The following DIAPH2 variants were observed in gnomAD, a reference collection of about 807,000 sequenced individuals.
The protein encoded by DIAPH2 is protein diaphanous homolog 2.
DIAPH2 carries 35 observed loss-of-function variants against 92.7 expected under a neutral mutation model. The ratio of observed to expected loss-of-function variants is 0.38; its 90% CI spans 0.29 to 0.50. The LOEUF (loss-of-function observed/expected upper bound fraction) is 0.50, where lower values mean the gene tolerates loss of function less well. DIAPH2 is among the 20% of genes least tolerant of loss of function. The probability of loss-of-function intolerance (pLI) is 0.94; values close to 1 mark genes in which losing one functional copy is unlikely to be tolerated. For missense variants in DIAPH2, 701 were observed against 819.5 expected (o/e 0.86, Z 1.77); for synonymous variants, 301 against 280.4 (o/e 1.07, Z -0.73).
chrX:96,746,156 C>G (rs1430871361), intron 3 of DIAPH2, among the ~76,000 whole-genome samples: 1 of 111,711 alleles, frequency 9.0e-6, no homozygotes, highest in Non-Finnish European at 1.9e-5. Context: ...CTGCCTTGGC[C>G]TCCAAAGTGC....
Position 96,958,444 on chromosome X carries a change from T to G in DIAPH2, c.1935+296T>G, listed in dbSNP as rs145360622. On this transcript the variant is annotated intron_variant, in intron 16 of 26. Coordinates refer to ENST00000324765, the MANE Select transcript of DIAPH2 (RefSeq NM_006729.5). ...TTAACATAGCTTTTCTTTAAAAATT[T>G]TTTATTGATATGTAATATTTGTACG... Among the ~76,000 whole-genome samples, 118 of 112,162 alleles carry G rather than the reference T, an allele frequency of 1.1e-3. 1 individual carries two copies. Among genetic ancestry groups the G allele is most frequent in the South Asian group, 4.1e-3 (11 of 2,674 alleles).
chrX:96,810,274 A>G (rs747215156), intron 4 of DIAPH2, among the ~76,000 whole-genome samples: 1,415 of 112,154 alleles, frequency 0.013, 22 homozygotes, highest in African/African-American at 0.044. Flanking sequence ...ACCAGTGATG[A>G]TGAGCATTTT....
At chrX:97,285,339 A>C (rs2068531701) in intron 23 of DIAPH2, among the ~76,000 whole-genome samples, 1 of 92,678 alleles carries the variant, frequency 1.1e-5, no homozygotes, top group African/African-American at 4.0e-5. Context: ...GGAGTTCAAG[A>C]CCAGCCTGAC....
rs1252650057 is a variant in DIAPH2 at position 96,962,271 on chromosome X, A to ATG, written c.1936-2821_1936-2820insGT. 8.4e-5 allele frequency among the ~76,000 whole-genome samples: 7 copies of ATG among 83,018 alleles called. 1 individual carries two copies. The highest frequency in any genetic ancestry group is 4.3e-4 in the Admixed American group (3 of 6,912). 72.1% of individuals were successfully genotyped at this position (83,018 alleles called of 115,157 possible). On this transcript the variant is annotated intron_variant, in intron 16 of 26. Coordinates refer to ENST00000324765, the MANE Select transcript of DIAPH2 (RefSeq NM_006729.5). ...TAAAGTGATGCCTTTCTATATATAT[A>ATG]TACATATATATATACATATATATAT...
chrX:97,502,598 G>A (rs1158655485), intron 26 of DIAPH2, among the ~76,000 whole-genome samples: 1 of 112,543 alleles, frequency 8.9e-6, no homozygotes, highest in Admixed American at 9.4e-5. Context: ...TGCAAGATCA[G>A]TGTATGAATC....
At chrX:97,345,438 C>T (rs2069148351) in intron 23 of DIAPH2, among the ~76,000 whole-genome samples, 3 of 111,969 alleles carry the variant, frequency 2.7e-5, no homozygotes, top group Admixed American at 1.9e-4. Flanking sequence ...TCCCCATTGA[C>T]TTCCATTATA....
chrX:96,979,451 C>A (rs768372323), intron 17 of DIAPH2, among the ~76,000 whole-genome samples: 1 of 112,192 alleles, frequency 8.9e-6, no homozygotes, highest in African/African-American at 3.2e-5. Context: ...TTAGACTGAA[C>A]TCCTTTGTTC....
chrX:96,799,994 T>C (rs1269538461), intron 4 of DIAPH2, among the ~76,000 whole-genome samples: 1 of 111,133 alleles, frequency 9.0e-6, no homozygotes. Context: ...ATTTACATGC[T>C]GAATTCGTAG....
At chrX:96,897,179 T>A (rs765643180) in intron 5 of DIAPH2, among the ~76,000 whole-genome samples, 2 of 111,383 alleles carry the variant, frequency 1.8e-5, no homozygotes, top group Admixed American at 1.9e-4. Context: ...AAAGATTATT[T>A]TTAAAATTTC....
At chrX:96,751,564 A>T (rs188987461) in intron 3 of DIAPH2, among the ~76,000 whole-genome samples, 3,120 of 99,839 alleles carry the variant, frequency 0.031, 143 homozygotes, top group African/African-American at 0.11. Context: ...TGGAAGAGCG[A>T]GACTCTGTCT....
chrX:96,814,110 T>G (rs771850338), intron 4 of DIAPH2, among the ~76,000 whole-genome samples: 33 of 111,948 alleles, frequency 2.9e-4, no homozygotes, highest in Non-Finnish European at 3.8e-4. Context: ...ATAATATCCT[T>G]CAGAGTGTTT....
intron 13 of DIAPH2, 47 bp from the exon 14 acceptor site, chrX:96,945,480 G>T (rs2065732773): frequency 1.0e-6 from 1 of 988,186 alleles, no homozygotes; most frequent in Admixed American, 3.0e-5. Flanking sequence ...CTTTTGTCTA[G>T]TGATCTCATG....
At chrX:97,450,501 C>T (rs1353672989) in intron 26 of DIAPH2, among the ~76,000 whole-genome samples, 1 of 111,406 alleles carries the variant, frequency 9.0e-6, no homozygotes, top group Non-Finnish European at 1.9e-5. Context: ...TATGTGTACA[C>T]GTATGTAGCT....
chrX:96,715,199 A>G (rs2063942448), intron 1 of DIAPH2, among the ~76,000 whole-genome samples: 1 of 111,908 alleles, frequency 8.9e-6, no homozygotes, highest in African/African-American at 3.2e-5. Context: ...TGCACACAAA[A>G]TCACATGTAT....
chrX:97,093,446 T>C (rs1408990721), intron 19 of DIAPH2, among the ~76,000 whole-genome samples: 4 of 111,712 alleles, frequency 3.6e-5, no homozygotes, highest in African/African-American at 9.8e-5. Context: ...CCCACCCGCG[T>C]CTGCCTAAGC....
intron 19 of DIAPH2, among the ~76,000 whole-genome samples, chrX:97,090,566 G>A (rs1203708173): frequency 9.1e-6 from 1 of 110,300 alleles, no homozygotes; most frequent in African/African-American, 3.3e-5. Context: ...ACCCAGGAGT[G>A]TGTCTATACA....
intron 4 of DIAPH2, among the ~76,000 whole-genome samples, chrX:96,786,471 T>A (rs1175097991): frequency 8.9e-6 from 1 of 112,264 alleles, no homozygotes; most frequent in Non-Finnish European, 1.9e-5. Flanking sequence ...ATTTAGTTAT[T>A]CTAAATGTAA....
intron 4 of DIAPH2, among the ~76,000 whole-genome samples, chrX:96,776,761 T>C (rs1233208438): frequency 9.0e-6 from 1 of 110,754 alleles, no homozygotes; most frequent in African/African-American, 3.3e-5. Flanking sequence ...TTAAAAGATA[T>C]GATGTAAACC....
At chrX:96,694,598 C>T (rs1482710637) in intron 1 of DIAPH2, among the ~76,000 whole-genome samples, 1 of 111,805 alleles carries the variant, frequency 8.9e-6, no homozygotes, top group East Asian at 2.8e-4. Flanking sequence ...TCCTGGGCCT[C>T]CCAAAGTGCT....
Sources: gnomAD v4.1 joint callset for allele counts (sites outside exome capture counted in the v4.1 genomes callset) on GRCh38, gnomAD v4.1.1 for gene constraint, MANE v1.5 for transcripts, NCBI Gene and HGNC (gene_info 2026-07-23, HGNC 2026-07-21) for gene names.